The following MED17 variants were observed in gnomAD, a reference collection of about 807,000 sequenced individuals.
MED17 encodes the protein mediator of RNA polymerase II transcription subunit 17.
Under a neutral mutation model 80.8 loss-of-function variants are expected in MED17, and 49 were observed. That is an observed-to-expected ratio of 0.61 (90% CI 0.48 to 0.77). MED17 has a LOEUF of 0.77. Among genes scored for constraint, MED17 ranks in the 30% least tolerant of loss-of-function variants. MED17 has a pLI of 0.00. For missense variants in MED17, 718 were observed against 787.0 expected (o/e 0.91, Z 1.05); for synonymous variants, 281 against 280.4 (o/e 1.00, Z -0.02).
At chr11:93,794,237 T>C in intron 5 of MED17, 1 of 439,414 alleles carries the variant, frequency 2.3e-6, no homozygotes, top group South Asian at 2.2e-5. Flanking sequence ...CAAGTTTCTC[T>C]CTTGTTGCCC....
rs777936433 is a variant in MED17, at chr11:93,809,808, C to T, written c.1676C>T (p.Pro559Leu). The T allele has an allele frequency of 3.2e-5, 51 of 1,613,986 alleles. No individual in the cohort carries two copies. The highest frequency in any genetic ancestry group is 4.2e-5 in the Non-Finnish European group (49 of 1,180,022). Residue 559 changes from proline (P) to leucine (L), a missense_variant, in exon 11 of 12, where the codon CCT becomes CTT. By Grantham distance (98) the Pro-to-Leu change is moderately conservative (BLOSUM62 -3). Transcript: ENST00000251871. Reference protein sequence around the residue: ...LSFSNHVGLGPIESIGNASAI... With the variant: ...LSFSNHVGLGLIESIGNASAI... ...TTCAGTAATCATGTGGGACTTGGAC[C>T]TATAGAGAGCATTGGTAATGCATCT...
rs1380755830 is a variant in MED17, at chr11:93,790,794, G to T, written c.637+1G>T. 2.5e-6 allele frequency: 4 copies of T among 1,612,574 alleles called. No individual in the cohort carries two copies. The highest frequency in any genetic ancestry group is 3.4e-6 in the Non-Finnish European group (4 of 1,178,660). On this transcript the variant is annotated splice_donor_variant, in intron 3 of 11. Transcript: ENST00000251871. LOFTEE classifies it high-confidence loss of function. ...GGAGATCTGAGCTACAGAAGTGCAGGTATGAATAATTATTAAAAACTATAC... is the reference window on the plus strand; with the variant it reads ...GGAGATCTGAGCTACAGAAGTGCAGTTATGAATAATTATTAAAAACTATAC...
intron 10 of MED17, chr11:93,808,397 A>G (rs532849257): frequency 2.8e-5 from 4 of 144,216 alleles, no homozygotes; most frequent in South Asian, 4.5e-4. Context: ...AAAAAAGGTG[A>G]TGTGTTCTAG....
At chr11:93,792,909 G>C (rs1943853907) in intron 3 of MED17, among the ~76,000 whole-genome samples, 1 of 151,902 alleles carries the variant, frequency 6.6e-6, no homozygotes, top group Non-Finnish European at 1.5e-5. Flanking sequence ...CCACCACACT[G>C]CAGCCTGGAA....
intron 9 of MED17, chr11:93,806,887 C>T (rs896967013): frequency 6.6e-6 from 1 of 152,200 alleles, no homozygotes; most frequent in Non-Finnish European, 1.5e-5. Flanking sequence ...GCTTATGGCT[C>T]CTGTTAGGGC....
intron 10 of MED17, chr11:93,808,869 A>G (rs534387902): frequency 4.6e-5 from 7 of 152,624 alleles, no homozygotes; most frequent in African/African-American, 1.7e-4. Flanking sequence ...TATGAGAACC[A>G]TGGCCAGAGG....
At chr11:93,791,612 AG>A (rs981486695) in intron 3 of MED17, among the ~76,000 whole-genome samples, 7 of 152,068 alleles carry the variant, frequency 4.6e-5, no homozygotes, top group Non-Finnish European at 8.8e-5. Flanking sequence ...AGGCTGAGGC[AG>A]GATGATCCCT....
At chr11:93,784,963 C>T in intron 1 of MED17, 200 bp downstream of exon 1, 2 of 725,060 alleles carry the variant, frequency 2.8e-6, no homozygotes, top group Non-Finnish European at 4.4e-6. Flanking sequence ...AATACTCCTG[C>T]GGGTCTCCTT....
intron 2 of MED17, chr11:93,790,164 C>T: frequency 3.8e-6 from 1 of 266,438 alleles, no homozygotes; most frequent in Non-Finnish European, 7.5e-6. Context: ...TTTCTGCCAT[C>T]ATGCAGGTTA....
At chr11:93,804,612 T>A (rs1352054468) in intron 9 of MED17, among the ~76,000 whole-genome samples, 3 of 152,240 alleles carry the variant, frequency 2.0e-5, no homozygotes, top group Non-Finnish European at 4.4e-5. Context: ...ACTTTTTTTT[T>A]ACATATGCAT....
intron 9 of MED17, among the ~76,000 whole-genome samples, chr11:93,803,822 A>G (rs1943988080): frequency 6.6e-6 from 1 of 151,864 alleles, no homozygotes; most frequent in African/African-American, 2.4e-5. Context: ...ACTTCCACAA[A>G]GAAAGATTAG....
chr11:93,796,782 C>A (rs113342266), intron 7 of MED17, among the ~76,000 whole-genome samples: 3 of 152,114 alleles, frequency 2.0e-5, no homozygotes, highest in South Asian at 2.1e-4. Context: ...GTGTAAGAAA[C>A]ATGATGCTAA....
At chr11:93,798,512 G>A (rs547251120) in intron 8 of MED17, among the ~76,000 whole-genome samples, 1 of 151,778 alleles carries the variant, frequency 6.6e-6, no homozygotes, top group African/African-American at 2.4e-5. Flanking sequence ...GTTTTTTTTA[G>A]TACATTAGTT....
Position 93,787,389 on chromosome 11 carries a change from G to A in MED17, c.251-612G>A, listed in dbSNP as rs184066798. ...GATCGCGCTACTGCACTCCAGCCTG[G>A]GTGACAGAGCAAGACTTTGTCTCAA... On this transcript the variant is annotated intron_variant, in intron 1 of 11. Transcript: ENST00000251871. Among the ~76,000 whole-genome samples, 1,444 of 152,050 alleles carry A rather than the reference G, an allele frequency of 9.5e-3. 13 individuals carry two copies. Among genetic ancestry groups the A allele is most frequent in the Non-Finnish European group, 0.016 (1,065 of 67,978 alleles).
chr11:93,785,187 C>T (rs971588409), intron 1 of MED17, among the ~76,000 whole-genome samples: 2 of 152,218 alleles, frequency 1.3e-5, no homozygotes, highest in African/African-American at 4.8e-5. Flanking sequence ...TCTGTTTTGA[C>T]TGAAATGTGT....
At chr11:93,807,881 A>T in intron 10 of MED17, 2 of 505,868 alleles carry the variant, frequency 4.0e-6, no homozygotes, top group Middle Eastern at 5.6e-4. Flanking sequence ...TTCTGAGACT[A>T]GCAAGTTTTT....
rs1217537907 is a variant in MED17, at chr11:93,812,424, TC to T, written c.*366del. 18 of 468,634 alleles carry T rather than the reference TC, an allele frequency of 3.8e-5. No homozygotes were observed. Among genetic ancestry groups the T allele is most frequent in the Admixed American group, 3.9e-5 (1 of 25,450 alleles). The allele number at this position is 468,634 out of a possible 1,614,324, so 29.0% of individuals were successfully genotyped here. A position where few individuals can be genotyped will look rare whatever the true frequency, so the allele number is the denominator to read the frequency against. On this transcript the variant is annotated 3_prime_UTR_variant, in exon 12 of 12. Transcript: ENST00000251871. ...AAAAAAATCTCCAAATACCTTTTTT[TC>T]CCCCCAAATACTTTCTAAACTTTTT...
chr11:93,793,979 T>G lies in MED17; in HGVS notation c.803T>G (p.Ile268Arg). 1.2e-6 allele frequency: 2 copies of G among 1,614,064 alleles called. No individual in the cohort carries two copies. Among genetic ancestry groups the G allele is most frequent in the Non-Finnish European group, 1.7e-6 (2 of 1,179,988 alleles). ...KVSIQKQAPD[I>R]GDLGTVNLFK... ...TCAATACAAAAACAGGCTCCAGATA[T>G]AGGTGACCTCGGCACAGTTAACCTC... The change falls in exon 5 of 12, where the codon ATA (isoleucine) becomes AGA (arginine). Residue 268 changes from isoleucine to arginine, a missense_variant. Coordinates refer to ENST00000251871, the MANE Select transcript of MED17 (RefSeq NM_004268.5).
At position 93,802,075 on chromosome 11, in the gene MED17, A is replaced by G. The variant is rs978600937; in HGVS notation, c.1466+103A>G. 5 of 1,082,292 alleles carry G rather than the reference A, an allele frequency of 4.6e-6. No individual in the cohort carries two copies. In the Admixed American group the frequency reaches 1.1e-4, roughly 24 times the overall value. The allele number at this position is 1,082,292 out of a possible 1,614,324, so 67.0% of individuals were successfully genotyped here. On this transcript the variant is annotated intron_variant, in intron 9 of 11. Transcript: ENST00000251871. ...TTTGGTTTTTATTTGCTAGGGTGGC[A>G]TAATATTTCTGTAAATTATATAAGC...
Sources: allele counts gnomAD v4.1 joint callset (sites outside exome capture counted in the v4.1 genomes callset), GRCh38; gene constraint gnomAD v4.1.1; transcripts MANE v1.5; gene names NCBI Gene and HGNC (gene_info 2026-07-23, HGNC 2026-07-21).